The following MRAS variants were observed in gnomAD, a reference collection of about 807,000 sequenced individuals.
The protein encoded by MRAS is ras-related protein M-Ras.
A neutral mutation model predicts 20.9 loss-of-function variants in MRAS; 4 were observed. The ratio of observed to expected loss-of-function variants is 0.19; its 90% CI spans 0.09 to 0.44. The LOEUF (loss-of-function observed/expected upper bound fraction) is 0.44, where lower values mean the gene tolerates loss of function less well. Among genes scored for constraint, MRAS ranks in the 20% least tolerant of loss-of-function variants. The probability of loss-of-function intolerance (pLI) is 0.99; values close to 1 mark genes in which losing one functional copy is unlikely to be tolerated. For missense variants in MRAS, 154 were observed against 277.5 expected (o/e 0.56, Z 3.16); for synonymous variants, 98 against 102.9 (o/e 0.95, Z 0.29).
intron 1 of MRAS, among the ~76,000 whole-genome samples, chr3:138,356,675 C>T (rs770992546): frequency 2.0e-5 from 3 of 152,140 alleles, no homozygotes; most frequent in East Asian, 1.9e-4. Flanking sequence ...GACTTGGGGG[C>T]GTATATTTTT....
Position 138,373,013 on chromosome 3 carries a change from C to T in MRAS, c.130C>T (p.Pro44Ser). 6.4e-7 allele frequency: 1 copy of T among 1,557,224 alleles called. No homozygotes were observed. The highest frequency in any genetic ancestry group is 8.7e-7 in the Non-Finnish European group (1 of 1,154,464). ...GAAGATCTTTGTGCCTGACTATGAC[C>T]CCACCATTGAAGACTCCTACCTGAA... ...FQKIFVPDYD[P>S]TIEDSYLKHT... The change falls in exon 2 of 6, where the codon CCC (proline) becomes TCC (serine). Residue 44 changes from proline (P) to serine (S), a missense_variant. Pro to Ser is a moderately conservative substitution (Grantham distance 74). Around this residue, in one of 3 missense-constraint regions of MRAS, gnomAD observed 2 missense variants for 21.9 expected, o/e 0.09. Coordinates refer to ENST00000423968, the MANE Select transcript of MRAS (RefSeq NM_001085049.3).
At chr3:138,350,571 G>T (rs939846861) in intron 1 of MRAS, 3 of 152,344 alleles carry the variant, frequency 2.0e-5, no homozygotes, top group African/African-American at 7.2e-5. Flanking sequence ...AGGCCCTTTG[G>T]TGAAGCAAGC....
chr3:138,395,573 C>G (rs191637036), intron 2 of MRAS, among the ~76,000 whole-genome samples: 216 of 152,314 alleles, frequency 1.4e-3, no homozygotes, highest in Non-Finnish European at 2.3e-3. Context: ...TCCGGCCCCT[C>G]ATTTAGTCAC....
Position 138,404,508 on chromosome 3 carries a change from T to C in MRAS, c.*2239T>C, listed in dbSNP as rs1186522084. 2 of 152,176 alleles carry C rather than the reference T, an allele frequency of 1.3e-5. No individual in the cohort carries two copies. The highest frequency in any genetic ancestry group is 1.5e-5 in the Non-Finnish European group (1 of 68,040). The allele number at this position is 152,176 out of a possible 1,614,324, so 9.4% of individuals were successfully genotyped here. A position where few individuals can be genotyped will look rare whatever the true frequency, so the allele number is the denominator to read the frequency against. ...AGACATAGGGATTTCAACCACACAG[T>C]TGGGACAGAAGGGACAGTGCATCTG... is the stretch of plus-strand genomic sequence containing the variant. On this transcript the variant is annotated 3_prime_UTR_variant, in exon 6 of 6. Coordinates refer to ENST00000423968, the MANE Select transcript of MRAS (RefSeq NM_001085049.3).
intron 1 of MRAS, among the ~76,000 whole-genome samples, chr3:138,366,121 A>G (rs562315307): frequency 2.6e-5 from 4 of 152,348 alleles, no homozygotes; most frequent in African/African-American, 9.6e-5. Flanking sequence ...GTCACATGCC[A>G]TTAACACACA....
rs1334184186 is a variant in MRAS at position 138,402,859 on chromosome 3, A to G, written c.*590A>G. 1 of 152,502 alleles carries G rather than the reference A, an allele frequency of 6.6e-6. No homozygotes were observed. The highest frequency in any genetic ancestry group is 2.4e-5 in the African/African-American group (1 of 41,414). The allele number at this position is 152,502 out of a possible 1,614,324, so 9.4% of individuals were successfully genotyped here. A position where few individuals can be genotyped will look rare whatever the true frequency, so the allele number is the denominator to read the frequency against. Reference sequence around the variant, plus strand: ...CCCATCAGTGCCAAAACTCAACTCAATCTGAAAGTAGAGTGTCTGAGAGGA... The same window carrying G: ...CCCATCAGTGCCAAAACTCAACTCAGTCTGAAAGTAGAGTGTCTGAGAGGA... On this transcript the variant is annotated 3_prime_UTR_variant, in exon 6 of 6. Transcript: ENST00000423968.
At chr3:138,383,806 G>T (rs1381597993) in intron 2 of MRAS, among the ~76,000 whole-genome samples, 1 of 152,176 alleles carries the variant, frequency 6.6e-6, no homozygotes, top group Non-Finnish European at 1.5e-5. Flanking sequence ...GTGGGGTGAG[G>T]GGACAGAGCA....
intron 1 of MRAS, among the ~76,000 whole-genome samples, chr3:138,371,143 G>C (rs1002765551): frequency 6.6e-6 from 1 of 152,132 alleles, no homozygotes; most frequent in Non-Finnish European, 1.5e-5. Flanking sequence ...ATATATTTAC[G>C]CAAGTGTATT....
At chr3:138,398,688 T>C in intron 4 of MRAS, 120 bp downstream of exon 4, 1 of 822,520 alleles carries the variant, frequency 1.2e-6, no homozygotes, top group South Asian at 1.7e-5. Context: ...TCCCCTTAGT[T>C]TAAGTCTTGT....
chr3:138,371,323 C>T (rs1269805779), intron 1 of MRAS, among the ~76,000 whole-genome samples: 4 of 152,184 alleles, frequency 2.6e-5, no homozygotes, highest in Admixed American at 2.0e-4. Context: ...CCACATAACC[C>T]ACATTTGTGT....
intron 2 of MRAS, among the ~76,000 whole-genome samples, chr3:138,381,666 G>A (rs1441468157): frequency 6.6e-6 from 1 of 152,164 alleles, no homozygotes; most frequent in Non-Finnish European, 1.5e-5. Flanking sequence ...GCCCAGCTCC[G>A]CAACCTCTCT....
intron 2 of MRAS, among the ~76,000 whole-genome samples, chr3:138,394,558 T>C (rs1196434255): frequency 3.9e-5 from 6 of 152,140 alleles, no homozygotes; most frequent in African/African-American, 1.4e-4. Context: ...CACTGGCAAC[T>C]CCCACATCTG....
intron 5 of MRAS, among the ~76,000 whole-genome samples, chr3:138,401,787 C>T (rs940463015): frequency 6.6e-6 from 1 of 152,184 alleles, no homozygotes; most frequent in African/African-American, 2.4e-5. Flanking sequence ...ATGGCTTTTA[C>T]GCTCAGTTGA....
At chr3:138,364,030 G>A (rs2054510904) in intron 1 of MRAS, among the ~76,000 whole-genome samples, 2 of 152,138 alleles carry the variant, frequency 1.3e-5, no homozygotes, top group Admixed American at 6.5e-5. Flanking sequence ...GTCTTGAGGA[G>A]CTTACCTTTC....
chr3:138,403,874 A>G lies in MRAS; in HGVS notation c.*1605A>G, dbSNP rs987500679. On this transcript the variant is annotated 3_prime_UTR_variant, in exon 6 of 6. Transcript: ENST00000423968. Reference sequence around the variant, plus strand: ...GAAACCCAAGGAAAGTGAGCACCCAACTGGATGCCAAGACACCCGGGTTCT... The same window carrying G: ...GAAACCCAAGGAAAGTGAGCACCCAGCTGGATGCCAAGACACCCGGGTTCT... 1.3e-5 allele frequency: 2 copies of G among 152,260 alleles called. No homozygotes were observed. The highest frequency in any genetic ancestry group is 4.8e-5 in the African/African-American group (2 of 41,462). The allele number at this position is 152,260 out of a possible 1,614,324, so 9.4% of individuals were successfully genotyped here. A position where few individuals can be genotyped will look rare whatever the true frequency, so the allele number is the denominator to read the frequency against.
chr3:138,364,125 G>A (rs892524992), intron 1 of MRAS, among the ~76,000 whole-genome samples: 1 of 152,142 alleles, frequency 6.6e-6, no homozygotes, highest in South Asian at 2.1e-4. Flanking sequence ...AGACATGCCT[G>A]CTGCCCTCCA....
rs1437253791 is a variant in MRAS at position 138,373,069 on chromosome 3, C to G, written c.186C>G (p.Ile62Met). The change falls in exon 2 of 6, where the codon ATC (isoleucine) becomes ATG (methionine). Residue 62 changes from isoleucine (I) to methionine (M), a missense_variant. Ile to Met is a conservative substitution (Grantham distance 10, BLOSUM62 1). Transcript: ENST00000423968. ...KHTEIDNQWA[I>M]LDVLDTAGQE... Reference sequence around the variant, plus strand: ...CGGAGATTGACAATCAATGGGCCATCTTGGACGGTGAGACCTGGGTGGCAG... The same window carrying G: ...CGGAGATTGACAATCAATGGGCCATGTTGGACGGTGAGACCTGGGTGGCAG... 6.8e-7 allele frequency: 1 copy of G among 1,476,904 alleles called. No individual in the cohort carries two copies. The highest frequency in any genetic ancestry group is 9.0e-7 in the Non-Finnish European group (1 of 1,113,592). The allele number at this position is 1,476,904 out of a possible 1,614,324, so 91.5% of individuals were successfully genotyped here. A position where few individuals can be genotyped will look rare whatever the true frequency, so the allele number is the denominator to read the frequency against.
At chr3:138,363,952 A>T (rs1390458777) in intron 1 of MRAS, among the ~76,000 whole-genome samples, 1 of 151,272 alleles carries the variant, frequency 6.6e-6, no homozygotes, top group East Asian at 2.0e-4. Flanking sequence ...GATATCTTCC[A>T]CATTCTCTTT....
intron 1 of MRAS, among the ~76,000 whole-genome samples, chr3:138,351,193 A>G (rs1343496936): frequency 1.3e-5 from 2 of 152,204 alleles, no homozygotes; most frequent in Non-Finnish European, 2.9e-5. Context: ...TGTTCTGCCA[A>G]TGAAATGCCC....
Sources: gnomAD v4.1 joint callset for allele counts (sites outside exome capture counted in the v4.1 genomes callset) on GRCh38, gnomAD v4.1.1 for gene constraint, gnomAD v4.1.1 regional missense constraint, MANE v1.5 for transcripts, NCBI Gene and HGNC (gene_info 2026-07-23, HGNC 2026-07-21) for gene names.